The following RHOH variants were observed in gnomAD, a reference collection of about 807,000 sequenced individuals.
The protein encoded by RHOH is rho-related GTP-binding protein RhoH.
RHOH carries 6 observed loss-of-function variants against 13.8 expected under a neutral mutation model. That is an observed-to-expected ratio of 0.44 (90% CI 0.24 to 0.86). The LOEUF (loss-of-function observed/expected upper bound fraction) is 0.86. Among genes scored for constraint, RHOH ranks in the 40% least tolerant of loss-of-function variants. The pLI is 0.24. For missense variants in RHOH, 147 were observed against 244.5 expected (o/e 0.60, Z 2.66); for synonymous variants, 117 against 103.0 (o/e 1.14, Z -0.82).
intron 1 of RHOH, among the ~76,000 whole-genome samples, chr4:40,213,879 C>G (rs1214762004): frequency 6.6e-6 from 1 of 152,180 alleles, no homozygotes; most frequent in Non-Finnish European, 1.5e-5. Flanking sequence ...TGCTCAGCCT[C>G]CTGAGTAGCT....
In RHOH at chr4:40,226,337, A is replaced by C. The variant is rs533496810; in HGVS notation, c.-330-16377A>C. Among the ~76,000 whole-genome samples, 22 of 151,800 alleles carry C rather than the reference A, an allele frequency of 1.4e-4. No individual in the cohort carries two copies. In the East Asian group the frequency reaches 4.1e-3, roughly 28 times the overall value. ...AGGTCGGGAGTTCAAGACTAGCCTG[A>C]CCAACATGGAGAAACCCCATCTCTA... On this transcript the variant is annotated intron_variant, in intron 1 of 2. Coordinates refer to ENST00000381799, the MANE Select transcript of RHOH (RefSeq NM_004310.5).
intron 1 of RHOH, among the ~76,000 whole-genome samples, chr4:40,204,610 C>A (rs970017517): frequency 6.6e-6 from 1 of 152,166 alleles, no homozygotes; most frequent in Non-Finnish European, 1.5e-5. Flanking sequence ...TCTCAGGGAT[C>A]TAGAGGCCTC....
At chr4:40,233,535 T>C (rs1405714858) in intron 1 of RHOH, among the ~76,000 whole-genome samples, 1 of 152,202 alleles carries the variant, frequency 6.6e-6, no homozygotes, top group East Asian at 1.9e-4. Context: ...ACATGCCCCT[T>C]CTTACTCTGA....
rs774667804 is a variant in RHOH at position 40,243,509 on chromosome 4, A to G, written c.123A>G (p.Thr41=). 6.2e-7 allele frequency: 1 copy of G among 1,613,826 alleles called. No homozygotes were observed. The highest frequency in any genetic ancestry group is 1.1e-5 in the South Asian group (1 of 91,042). ...ACAAGCCCACAGTGTACGAGAACAC[A>G]GGGGTGGACGTCTTCATGGATGGCA... ...EAYKPTVYEN[T]GVDVFMDGIQ... is the part of the protein sequence containing the mutation. Residue 41 remains threonine, a synonymous_variant, in exon 3 of 3, where the codon ACA becomes ACG. Coordinates refer to ENST00000381799, the MANE Select transcript of RHOH (RefSeq NM_004310.5). This position sits in a 1 kb window ranked among gnomAD's most constrained non-coding sequence, Gnocchi z 6.2.
chr4:40,194,086 C>T (rs1380113806), upstream of RHOH, among the ~76,000 whole-genome samples: 1 of 152,206 alleles, frequency 6.6e-6, no homozygotes, highest in African/African-American at 2.4e-5. Context: ...CATTGTCCCC[C>T]TTAAAGGACA....
At chr4:40,204,666 T>A (rs1579239720) in intron 1 of RHOH, among the ~76,000 whole-genome samples, 1 of 152,106 alleles carries the variant, frequency 6.6e-6, no homozygotes, top group East Asian at 1.9e-4. Context: ...GCAGAGGAAG[T>A]TCTGGTTATT....
intron 1 of RHOH, among the ~76,000 whole-genome samples, chr4:40,227,513 A>G (rs1727394902): frequency 6.6e-6 from 1 of 152,164 alleles, no homozygotes; most frequent in African/African-American, 2.4e-5. Context: ...AGTATGTTGA[A>G]TTAGATGACC....
chr4:40,221,294 T>C (rs1291361594), intron 1 of RHOH, among the ~76,000 whole-genome samples: 1 of 152,182 alleles, frequency 6.6e-6, no homozygotes, highest in East Asian at 1.9e-4. Flanking sequence ...CCTTCCCAGA[T>C]TGTTCAACTG....
At chr4:40,230,236 G>A (rs1442403023) in intron 1 of RHOH, among the ~76,000 whole-genome samples, 2 of 151,898 alleles carry the variant, frequency 1.3e-5, no homozygotes, top group Non-Finnish European at 2.9e-5. Flanking sequence ...ACGGGGTTTC[G>A]CCATGTTGGC....
At chr4:40,216,812 A>G (rs894721786) in intron 1 of RHOH, among the ~76,000 whole-genome samples, 1 of 152,200 alleles carries the variant, frequency 6.6e-6, no homozygotes, top group African/African-American at 2.4e-5. Context: ...CACATAAATG[A>G]TAGTTCAAAT....
At position 40,245,924 on chromosome 4, in the gene RHOH, T is replaced by G. The variant is rs1349414997; in HGVS notation, c.*1962T>G. On this transcript the variant is annotated 3_prime_UTR_variant, in exon 3 of 3. Coordinates refer to ENST00000381799, the MANE Select transcript of RHOH (RefSeq NM_004310.5). ...TCTCTGGTGGGAGGATTGCCTCGGTTCCCTGGGGCTGACACAGCTGCCTTC... is the reference window on the plus strand; with the variant it reads ...TCTCTGGTGGGAGGATTGCCTCGGTGCCCTGGGGCTGACACAGCTGCCTTC... 6.6e-6 allele frequency: 1 copy of G among 152,236 alleles called. No individual in the cohort carries two copies. Among genetic ancestry groups the G allele is most frequent in the African/African-American group, 2.4e-5 (1 of 41,448 alleles). The allele number at this position is 152,236 out of a possible 1,614,324, so 9.4% of individuals were successfully genotyped here. A position where few individuals can be genotyped will look rare whatever the true frequency, so the allele number is the denominator to read the frequency against.
At chr4:40,236,766 T>C (rs975883915) in intron 1 of RHOH, among the ~76,000 whole-genome samples, 1 of 151,538 alleles carries the variant, frequency 6.6e-6, no homozygotes, top group Non-Finnish European at 1.5e-5. Flanking sequence ...CAGTCCAGCC[T>C]GGCGACAGAG....
At chr4:40,223,476 T>TG (rs1329178445) in intron 1 of RHOH, among the ~76,000 whole-genome samples, 1 of 149,438 alleles carries the variant, frequency 6.7e-6, no homozygotes, top group East Asian at 1.9e-4. Context: ...CTTTTTTTTT[T>TG]TTTTTTTTTT....
At chr4:40,207,891 A>C (rs1272955287) in intron 1 of RHOH, among the ~76,000 whole-genome samples, 1 of 152,142 alleles carries the variant, frequency 6.6e-6, no homozygotes, top group Non-Finnish European at 1.5e-5. Flanking sequence ...GCTTGAACCC[A>C]GGAGGCGGAG....
chr4:40,235,999 G>A (rs200380854), intron 1 of RHOH, among the ~76,000 whole-genome samples: 78 of 142,418 alleles, frequency 5.5e-4, no homozygotes, highest in Admixed American at 4.9e-4. Context: ...AAAAAAAAAA[G>A]AAAAAAAAAA....
Position 40,227,051 on chromosome 4 carries a change from C to T in RHOH, c.-330-15663C>T, listed in dbSNP as rs562921756. On this transcript the variant is annotated intron_variant, in intron 1 of 2. Transcript: ENST00000381799. The stretch of plus-strand genomic sequence containing the variant: ...GTGCATGCCTGTAATTCCAGCTACT[C>T]GGGAGGCTGAGACACGAGAATCACT... Among the ~76,000 whole-genome samples, 3 of 151,950 alleles carry T rather than the reference C, an allele frequency of 2.0e-5. No homozygotes were observed. The South Asian group carries it at 6.3e-4, about 32-fold the overall frequency.
intron 1 of RHOH, among the ~76,000 whole-genome samples, chr4:40,235,590 CAAAA>C (rs34336418): frequency 1.3e-5 from 1 of 74,800 alleles, no homozygotes; most frequent in Middle Eastern, 0.011. Context: ...AACTTCATCT[CAAAA>C]AAAAAAAAAA....
chr4:40,192,097 CTTAACA>C (rs1722729291), upstream of RHOH, among the ~76,000 whole-genome samples: 1 of 152,110 alleles, frequency 6.6e-6, no homozygotes, highest in African/African-American at 2.4e-5. Flanking sequence ...AGATCATTCT[CTTAACA>C]TTTTATAGTT....
intron 1 of RHOH, among the ~76,000 whole-genome samples, chr4:40,230,806 C>T (rs574945845): frequency 6.6e-6 from 1 of 152,108 alleles, no homozygotes; most frequent in South Asian, 2.1e-4. Context: ...TGAAACAGAC[C>T]TTTAAAAGGG....
Sources: allele counts gnomAD v4.1 joint callset (sites outside exome capture counted in the v4.1 genomes callset), GRCh38; gene constraint gnomAD v4.1.1; non-coding constraint Gnocchi (gnomAD v3.1); transcripts MANE v1.5; gene names NCBI Gene and HGNC (gene_info 2026-07-23, HGNC 2026-07-21).